CCDC170: variants seen among roughly 807,000 people sequenced by gnomAD.
CCDC170 encodes the protein coiled-coil domain containing 170, also known as coiled-coil domain-containing protein 170.
A neutral mutation model predicts 72.6 loss-of-function variants in CCDC170; 69 were observed. The ratio of observed to expected loss-of-function variants is 0.95; its 90% CI spans 0.78 to 1.16. CCDC170 has a LOEUF of 1.16. CCDC170 is among the 50% of genes most tolerant of loss of function. CCDC170 has a pLI of 0.00. For missense variants in CCDC170, 852 were observed against 832.5 expected (o/e 1.02, Z -0.29); for synonymous variants, 300 against 303.9 (o/e 0.99, Z 0.13).
chr6:151,529,629 C>A lies in CCDC170; in HGVS notation c.58-6689C>A, dbSNP rs539239668. 4.7e-4 allele frequency among the ~76,000 whole-genome samples: 71 copies of A among 152,240 alleles called. 1 individual carries two copies. The South Asian group carries it at 0.013, about 29-fold the overall frequency. ...CTGACATAGAGCCACTGCACTCCAC[C>A]CTGCTGACAGAGCTAGGCTCTGTCT... On this transcript the variant is annotated intron_variant, in intron 1 of 10. Coordinates refer to ENST00000239374, the MANE Select transcript of CCDC170 (RefSeq NM_025059.4).
At chr6:151,569,352 T>G (rs1776185447) in intron 5 of CCDC170, among the ~76,000 whole-genome samples, 1 of 152,252 alleles carries the variant, frequency 6.6e-6, no homozygotes, top group African/African-American at 2.4e-5. Context: ...GAAGCTAAAT[T>G]GAATGCCATA....
chr6:151,580,922 A>G (rs1029091019), intron 6 of CCDC170, among the ~76,000 whole-genome samples: 5 of 152,214 alleles, frequency 3.3e-5, no homozygotes, highest in Non-Finnish European at 7.3e-5. Flanking sequence ...TTTATACTAG[A>G]CTATGTAGTC....
intron 1 of CCDC170, among the ~76,000 whole-genome samples, chr6:151,535,650 G>A (rs1482300879): frequency 2.0e-5 from 3 of 152,198 alleles, no homozygotes; most frequent in African/African-American, 7.2e-5. Context: ...TACACAGGAT[G>A]TAGCATTGTT....
intron 9 of CCDC170, among the ~76,000 whole-genome samples, chr6:151,614,608 C>G (rs562588896): frequency 6.6e-6 from 1 of 150,996 alleles, no homozygotes; most frequent in South Asian, 2.1e-4. Flanking sequence ...GTGCCTGCCA[C>G]CATGGCTGGC....
chr6:151,557,902 C>T (rs922590039), intron 5 of CCDC170, among the ~76,000 whole-genome samples: 1 of 152,100 alleles, frequency 6.6e-6, no homozygotes, highest in African/African-American at 2.4e-5. Context: ...AGTTTGAGAC[C>T]AGCCTGGCCA....
At chr6:151,526,833 A>C (rs947870742) in intron 1 of CCDC170, among the ~76,000 whole-genome samples, 2 of 152,076 alleles carry the variant, frequency 1.3e-5, no homozygotes, top group Non-Finnish European at 2.9e-5. Context: ...TCAGGGGAGC[A>C]AGAGTGTTAA....
At chr6:151,576,442 C>T (rs1451023282) in intron 6 of CCDC170, among the ~76,000 whole-genome samples, 1 of 151,500 alleles carries the variant, frequency 6.6e-6, no homozygotes, top group African/African-American at 2.4e-5. Context: ...TATTGCTTTC[C>T]ACTTCTATAT....
chr6:151,499,575 C>T (rs867645120), intron 1 of CCDC170, among the ~76,000 whole-genome samples: 4 of 123,458 alleles, frequency 3.2e-5, no homozygotes, highest in African/African-American at 1.5e-4. Context: ...TTTGACTATT[C>T]TAGGCACGCT....
rs151140293 is a variant in CCDC170, at chr6:151,532,618, A to G, written c.58-3700A>G. 8.7e-3 allele frequency among the ~76,000 whole-genome samples: 1,328 copies of G among 152,216 alleles called. 21 individuals are homozygous for G. Among genetic ancestry groups the G allele is most frequent in the African/African-American group, 0.03 (1,247 of 41,526 alleles). On this transcript the variant is annotated intron_variant, in intron 1 of 10. Transcript: ENST00000239374. ...AGACTCTGTCTCAAAAGAAAAAAAAAAAGAAAAAAAAAGAATAAGGCTTCT... is the reference window on the plus strand; with the variant it reads ...AGACTCTGTCTCAAAAGAAAAAAAAGAAGAAAAAAAAAGAATAAGGCTTCT...
intron 5 of CCDC170, among the ~76,000 whole-genome samples, chr6:151,556,808 G>A (rs1217345531): frequency 7.6e-6 from 1 of 132,220 alleles, no homozygotes; most frequent in African/African-American, 3.0e-5. Context: ...CCTACTCGCT[G>A]ACAAACATTA....
chr6:151,512,008 C>T (rs906794376), intron 1 of CCDC170, among the ~76,000 whole-genome samples: 3 of 151,816 alleles, frequency 2.0e-5, no homozygotes, highest in Non-Finnish European at 2.9e-5. Flanking sequence ...CCATGCCTGG[C>T]TAATTTTTTA....
chr6:151,571,703 G>C (rs1776221310), intron 5 of CCDC170, among the ~76,000 whole-genome samples: 2 of 151,784 alleles, frequency 1.3e-5, no homozygotes, highest in African/African-American at 4.8e-5. Flanking sequence ...CTCCAGCCTG[G>C]GCAATAAGAG....
chr6:151,596,558 C>T lies in CCDC170; in HGVS notation c.1691C>T (p.Ala564Val). The change falls in exon 9 of 11, where the codon GCC (alanine) becomes GTC (valine). Residue 564 changes from alanine (A) to valine (V), a missense_variant. By Grantham distance (64) the Ala-to-Val change is moderately conservative. Transcript: ENST00000239374. ...CACACCGAGCTCAAAGCCAAACTGG[C>T]CGACACCAATGAACTGAAGGCAAGT... ...DLHTELKAKL[A>V]DTNELKIKTL... 6.2e-7 allele frequency: 1 copy of T among 1,614,060 alleles called. No homozygotes were observed. Among genetic ancestry groups the T allele is most frequent in the Non-Finnish European group, 8.5e-7 (1 of 1,179,992 alleles).
chr6:151,563,492 GT>G (rs1166262542), intron 5 of CCDC170, among the ~76,000 whole-genome samples: 1 of 152,184 alleles, frequency 6.6e-6, no homozygotes, highest in Non-Finnish European at 1.5e-5. Flanking sequence ...GGGCCTACGA[GT>G]CCCCTGCACC....
intron 7 of CCDC170, 80 bp downstream of exon 7, chr6:151,586,169 C>G (rs1776448951): frequency 1.2e-5 from 17 of 1,436,660 alleles, no homozygotes; most frequent in Non-Finnish European, 1.5e-5. Flanking sequence ...CTGAATTTTA[C>G]AGTATTTAGT....
intron 4 of CCDC170, among the ~76,000 whole-genome samples, 179 bp downstream of exon 4, chr6:151,544,895 A>G (rs1270769842): frequency 2.0e-5 from 3 of 152,170 alleles, no homozygotes. Flanking sequence ...CCTCAATTCC[A>G]AGATCTTTTC....
chr6:151,615,362 A>G (rs1776946033), intron 9 of CCDC170, 81 bp from the exon 10 acceptor site: 1 of 984,470 alleles, frequency 1.0e-6, no homozygotes, highest in Non-Finnish European at 1.6e-6. Flanking sequence ...AGTGAATTCC[A>G]TTGACTTCTG....
chr6:151,579,393 C>T (rs1776349966), intron 6 of CCDC170, among the ~76,000 whole-genome samples: 1 of 152,132 alleles, frequency 6.6e-6, no homozygotes, highest in African/African-American at 2.4e-5. Context: ...GTGTCATGTG[C>T]ACTGACACCT....
intron 1 of CCDC170, among the ~76,000 whole-genome samples, chr6:151,516,753 G>A (rs1002081385): frequency 5.9e-5 from 9 of 152,176 alleles, no homozygotes; most frequent in East Asian, 3.9e-4. Context: ...TCTGATTTAC[G>A]TAGGGCCCAG....
Sources: allele counts gnomAD v4.1 joint callset (sites outside exome capture counted in the v4.1 genomes callset), GRCh38; gene constraint gnomAD v4.1.1; transcripts MANE v1.5; gene names NCBI Gene and HGNC (gene_info 2026-07-23, HGNC 2026-07-21).